The following UTRN variants were observed in gnomAD, a reference collection of about 807,000 sequenced individuals.
UTRN encodes the protein dystrophin-related protein 1.
In UTRN, 283 loss-of-function variants were observed where a neutral mutation model predicts 463.9. The observed-to-expected ratio is 0.61, with a 90% CI of 0.55 to 0.67. The LOEUF (loss-of-function observed/expected upper bound fraction) is 0.67. UTRN is among the 30% of genes least tolerant of loss of function. UTRN has a pLI of 0.00. For synonymous variants in UTRN, 1,442 were observed against 1,431.5 expected (o/e 1.01, Z -0.17); for missense variants, 3,922 against 4,084.3 (o/e 0.96, Z 1.08).
chr6:144,694,471 C>T (rs1206002445), intron 52 of UTRN, among the ~76,000 whole-genome samples: 1 of 152,018 alleles, frequency 6.6e-6, no homozygotes, highest in Non-Finnish European at 1.5e-5. Context: ...ATGGTATCAA[C>T]TCTTCTTTGT....
intron 23 of UTRN, among the ~76,000 whole-genome samples, chr6:144,471,299 T>A (rs1026832228): frequency 2.0e-5 from 3 of 152,168 alleles, no homozygotes; most frequent in African/African-American, 7.2e-5. Flanking sequence ...GGCCACTTAC[T>A]CAAGTCAAAG....
intron 52 of UTRN, among the ~76,000 whole-genome samples, chr6:144,691,371 C>G (rs1783395966): frequency 6.6e-6 from 1 of 152,258 alleles, no homozygotes; most frequent in South Asian, 2.1e-4. Flanking sequence ...CCCTCCTCGG[C>G]CTTCCAAAGT....
intron 51 of UTRN, among the ~76,000 whole-genome samples, chr6:144,633,310 A>G (rs1776737345): frequency 6.6e-6 from 1 of 151,058 alleles, no homozygotes; most frequent in Non-Finnish European, 1.5e-5. Flanking sequence ...GCGCACTGCA[A>G]GCTCCGCCTC....
chr6:144,463,857 A>G (rs1156618218), intron 23 of UTRN, among the ~76,000 whole-genome samples: 1 of 151,474 alleles, frequency 6.6e-6, no homozygotes, highest in Non-Finnish European at 1.5e-5. Context: ...CTAAATCCAA[A>G]TATGTGTAGA....
chr6:144,623,633 A>G (rs1775660872), intron 51 of UTRN, among the ~76,000 whole-genome samples: 1 of 152,228 alleles, frequency 6.6e-6, no homozygotes, highest in Admixed American at 6.5e-5. Flanking sequence ...GTCTTGGTGT[A>G]AAAATGTCTT....
intron 54 of UTRN, among the ~76,000 whole-genome samples, chr6:144,735,215 C>T (rs997841395): frequency 2.0e-5 from 3 of 152,084 alleles, no homozygotes; most frequent in South Asian, 2.1e-4. Flanking sequence ...CTAAGTGATG[C>T]GGGCATTCCA....
At chr6:144,782,887 A>G (rs1775967955) in intron 61 of UTRN, among the ~76,000 whole-genome samples, 1 of 152,096 alleles carries the variant, frequency 6.6e-6, no homozygotes, top group Non-Finnish European at 1.5e-5. Flanking sequence ...TAAAGTATGC[A>G]AAGATGAAAT....
At chr6:144,663,276 A>T (rs1780056432) in intron 51 of UTRN, among the ~76,000 whole-genome samples, 1 of 152,164 alleles carries the variant, frequency 6.6e-6, no homozygotes, top group Non-Finnish European at 1.5e-5. Context: ...CAAAGTGATA[A>T]GGGATGAGAA....
chr6:144,421,984 C>A lies in UTRN; in HGVS notation c.234+14C>A, dbSNP rs758959067. On this transcript the variant is annotated intron_variant, in intron 4 of 74. Coordinates refer to ENST00000367545, the MANE Select transcript of UTRN (RefSeq NM_007124.3). ...GGAACATCACTGGTGAGCAAGTCAT[C>A]TTTGTAAACAACGGAGTCTCCGGTC... is the stretch of plus-strand genomic sequence containing the variant. The A allele has an allele frequency of 1.2e-6, 2 of 1,602,564 alleles. No individual in the cohort carries two copies. The highest frequency in any genetic ancestry group is 2.2e-5 in the South Asian group (2 of 89,354).
chr6:144,507,460 T>G (rs1794782119), intron 34 of UTRN, among the ~76,000 whole-genome samples: 1 of 152,164 alleles, frequency 6.6e-6, no homozygotes, highest in South Asian at 2.1e-4. Flanking sequence ...TGCATGGTCC[T>G]TCTTTTTGTT....
At chr6:144,477,035 G>A (rs902331268) in intron 25 of UTRN, among the ~76,000 whole-genome samples, 1 of 152,116 alleles carries the variant, frequency 6.6e-6, no homozygotes, top group Admixed American at 6.5e-5. Context: ...GATTGAGATA[G>A]GAGAATTTAT....
chr6:144,533,355 C>T, intron 43 of UTRN, 95 bp downstream of exon 43: 2 of 1,504,150 alleles, frequency 1.3e-6, no homozygotes, highest in Non-Finnish European at 8.9e-7. Context: ...TATTGTTTGA[C>T]ATTATAATAG....
intron 34 of UTRN, among the ~76,000 whole-genome samples, chr6:144,505,750 C>A (rs1349104394): frequency 6.6e-6 from 1 of 152,164 alleles, no homozygotes; most frequent in Non-Finnish European, 1.5e-5. Context: ...GTGGAGAGTT[C>A]TGTATATGTC....
intron 51 of UTRN, among the ~76,000 whole-genome samples, chr6:144,599,961 A>G (rs1374015120): frequency 1.3e-5 from 2 of 152,126 alleles, no homozygotes; most frequent in African/African-American, 4.8e-5. Context: ...AACTCTTGCA[A>G]TATTTCGAAC....
intron 2 of UTRN, among the ~76,000 whole-genome samples, chr6:144,343,294 A>G (rs1777285214): frequency 6.6e-6 from 1 of 152,076 alleles, no homozygotes; most frequent in South Asian, 2.1e-4. Flanking sequence ...TATGTGGTGG[A>G]CACATGCAGA....
At chr6:144,630,156 C>T (rs539244249) in intron 51 of UTRN, among the ~76,000 whole-genome samples, 2 of 152,122 alleles carry the variant, frequency 1.3e-5, no homozygotes, top group Non-Finnish European at 2.9e-5. Context: ...CCACTGCACT[C>T]CAGCCTGGGT....
At chr6:144,772,792 A>G in intron 59 of UTRN, among the ~76,000 whole-genome samples, 1 of 152,174 alleles carries the variant, frequency 6.6e-6, no homozygotes. Context: ...TTTCTAGTGC[A>G]ATGTGGCTTT....
chr6:144,425,468 T>C (rs1347676809), intron 6 of UTRN, among the ~76,000 whole-genome samples: 28 of 152,236 alleles, frequency 1.8e-4, no homozygotes, highest in Non-Finnish European at 4.1e-4. Flanking sequence ...ATCAAACTTT[T>C]AGCACCCGTT....
intron 46 of UTRN, among the ~76,000 whole-genome samples, chr6:144,548,035 A>G (rs143552825): frequency 2.6e-4 from 40 of 152,352 alleles, no homozygotes; most frequent in Non-Finnish European, 5.3e-4. Flanking sequence ...TGAATATTAA[A>G]TACATACTTT....
Sources: gnomAD v4.1 joint callset for allele counts (sites outside exome capture counted in the v4.1 genomes callset) on GRCh38, gnomAD v4.1.1 for gene constraint, MANE v1.5 for transcripts, NCBI Gene and HGNC (gene_info 2026-07-23, HGNC 2026-07-21) for gene names.